The following DAPL1 variants were observed in gnomAD, a reference collection of about 807,000 sequenced individuals.
DAPL1 encodes death associated protein like 1, also known as death-associated protein-like 1.
A neutral mutation model predicts 12.9 loss-of-function variants in DAPL1; 17 were observed. The observed-to-expected ratio is 1.32, with a 90% CI of 0.90 to 1.98. DAPL1 has a LOEUF of 1.98. DAPL1 is among the 30% of genes most tolerant of loss of function. DAPL1 has a pLI of 0.00. For missense variants in DAPL1, 157 were observed against 125.7 expected, an observed-to-expected ratio of 1.25 and a Z score of -1.19; for synonymous variants, 51 against 42.0, an observed-to-expected ratio of 1.21 and a Z score of -0.82.
At chr2:158,812,479 T>C (rs2059235967) in intron 3 of DAPL1, among the ~76,000 whole-genome samples, 1 of 152,094 alleles carries the variant, frequency 6.6e-6, no homozygotes, top group Non-Finnish European at 1.5e-5. Flanking sequence ...ATACAGTGGT[T>C]CCTCAAAAAA....
intron 3 of DAPL1, among the ~76,000 whole-genome samples, chr2:158,810,647 T>TC (rs1444894687): frequency 3.9e-5 from 6 of 152,174 alleles, no homozygotes; most frequent in African/African-American, 1.4e-4. Context: ...CCACAGTATT[T>TC]CCCCACCTCT....
chr2:158,798,737 A>G (rs933671347), intron 1 of DAPL1, among the ~76,000 whole-genome samples: 1 of 152,034 alleles, frequency 6.6e-6, no homozygotes, highest in African/African-American at 2.4e-5. Context: ...CCTTCTCTTG[A>G]TGAGGGTTTT....
At chr2:158,796,289 G>T (rs1331544209) in intron 1 of DAPL1, among the ~76,000 whole-genome samples, 1 of 152,086 alleles carries the variant, frequency 6.6e-6, no homozygotes, top group African/African-American at 2.4e-5. Flanking sequence ...TAATTCTCTG[G>T]CACCTCTAGG....
At chr2:158,811,466 C>T (rs1042954766) in intron 3 of DAPL1, among the ~76,000 whole-genome samples, 2 of 152,170 alleles carry the variant, frequency 1.3e-5, no homozygotes, top group African/African-American at 2.4e-5. Flanking sequence ...TAAAACAAAA[C>T]CTGCAGCTGA....
chr2:158,801,388 C>T (rs940397983), intron 1 of DAPL1, among the ~76,000 whole-genome samples: 2 of 152,204 alleles, frequency 1.3e-5, no homozygotes, highest in Non-Finnish European at 2.9e-5. Context: ...AGCAACAGTG[C>T]TATGAGCAGT....
intron 1 of DAPL1, among the ~76,000 whole-genome samples, chr2:158,800,062 CA>C (rs1553492201): frequency 0.018 from 812 of 44,460 alleles, 5 homozygotes; most frequent in Middle Eastern, 0.083. Flanking sequence ...GACTCCATCT[CA>C]AAAAAAAAAA....
Position 158,795,395 on chromosome 2 carries a change from T to A in DAPL1, c.23T>A (p.Leu8Gln). The A allele has an allele frequency of 6.4e-7, 1 of 1,556,044 alleles. No individual in the cohort carries two copies. Among genetic ancestry groups the A allele is most frequent in the Non-Finnish European group, 8.7e-7 (1 of 1,149,486 alleles). The change falls in exon 1 of 4, where the codon CTG becomes CAG. Residue 8 changes from leucine to glutamine, a missense_variant. Leu to Gln is a moderately radical substitution (Grantham distance 113). Transcript: ENST00000309950. MANEVQD[L>Q]LSPRKGGHPP... Reference sequence around the variant, plus strand: ...GCTATGGCAAATGAAGTGCAAGACCTGCTCTCCCCTCGGAAAGGGGGACAT... The same window carrying A: ...GCTATGGCAAATGAAGTGCAAGACCAGCTCTCCCCTCGGAAAGGGGGACAT...
rs773583607 is a variant in DAPL1, at chr2:158,804,376, A to G, written c.146+7A>G. 67 of 1,596,060 alleles carry G rather than the reference A, an allele frequency of 4.2e-5. No individual in the cohort carries two copies. Among genetic ancestry groups the G allele is most frequent in the Middle Eastern group, 1.7e-4 (1 of 6,032 alleles). On this transcript the variant is annotated splice_region_variant and intron_variant, in intron 2 of 3. Coordinates refer to ENST00000309950, the MANE Select transcript of DAPL1 (RefSeq NM_001017920.3). Reference sequence around the variant, plus strand: ...CAGGATTCGAGAAAACAAGGTAGGGACTCTTAATTTTTCTCCATCACCTTG... The same window carrying G: ...CAGGATTCGAGAAAACAAGGTAGGGGCTCTTAATTTTTCTCCATCACCTTG...
intron 2 of DAPL1, among the ~76,000 whole-genome samples, chr2:158,805,691 T>TA (rs1451871296): frequency 6.7e-6 from 1 of 148,444 alleles, no homozygotes; most frequent in East Asian, 1.9e-4. Context: ...AAATGGGACT[T>TA]ACTATTAATT....
At chr2:158,815,300 G>A (rs866114920) in intron 3 of DAPL1, among the ~76,000 whole-genome samples, 1 of 152,158 alleles carries the variant, frequency 6.6e-6, no homozygotes, top group Non-Finnish European at 1.5e-5. Context: ...TCTTTCAGAG[G>A]TTCTTTCTTT....
chr2:158,814,578 A>G (rs2059250299), intron 3 of DAPL1, among the ~76,000 whole-genome samples: 1 of 152,274 alleles, frequency 6.6e-6, no homozygotes, highest in Admixed American at 6.5e-5. Context: ...CCAAGAAGAA[A>G]GGACTTTTTG....
intron 1 of DAPL1, among the ~76,000 whole-genome samples, chr2:158,798,095 T>C (rs922437298): frequency 2.6e-5 from 4 of 152,172 alleles, no homozygotes; most frequent in Non-Finnish European, 4.4e-5. Flanking sequence ...AAGCCAGATA[T>C]ATGATGAATA....
intron 1 of DAPL1, among the ~76,000 whole-genome samples, chr2:158,796,755 G>A (rs910793025): frequency 7.2e-5 from 11 of 152,036 alleles, no homozygotes; most frequent in East Asian, 1.9e-4. Context: ...ATGAAAGTTC[G>A]AATGAAACCA....
intron 1 of DAPL1, among the ~76,000 whole-genome samples, chr2:158,801,307 G>A (rs2059166200): frequency 6.6e-6 from 1 of 152,162 alleles, no homozygotes. Flanking sequence ...CTTGTCATAA[G>A]GAGAATGAAA....
intron 1 of DAPL1, among the ~76,000 whole-genome samples, chr2:158,801,975 A>C (rs1415232507): frequency 2.0e-5 from 3 of 152,236 alleles, no homozygotes; most frequent in Non-Finnish European, 4.4e-5. Flanking sequence ...AGAAAAGGAA[A>C]TGCAAATGGC....
At chr2:158,799,083 A>T (rs1195347497) in intron 1 of DAPL1, among the ~76,000 whole-genome samples, 1 of 152,232 alleles carries the variant, frequency 6.6e-6, no homozygotes, top group Non-Finnish European at 1.5e-5. Context: ...CTACAAAAGC[A>T]GTCACAAGAG....
At chr2:158,796,359 G>A (rs1030632240) in intron 1 of DAPL1, among the ~76,000 whole-genome samples, 1 of 152,164 alleles carries the variant, frequency 6.6e-6, no homozygotes, top group African/African-American at 2.4e-5. Flanking sequence ...TCTTCACAGA[G>A]AGTCAAAATG....
chr2:158,813,770 T>C (rs553279546), intron 3 of DAPL1, among the ~76,000 whole-genome samples: 1 of 152,162 alleles, frequency 6.6e-6, no homozygotes, highest in African/African-American at 2.4e-5. Context: ...TTAGCCAGGA[T>C]GGTCTCGATC....
At chr2:158,800,082 T>A (rs891369055) in intron 1 of DAPL1, among the ~76,000 whole-genome samples, 2 of 18,922 alleles carry the variant, frequency 1.1e-4, no homozygotes, top group South Asian at 6.3e-4. Flanking sequence ...AAAAAAAAAA[T>A]TTGGCATTTA....
Sources: allele counts gnomAD v4.1 joint callset (sites outside exome capture counted in the v4.1 genomes callset), GRCh38; gene constraint gnomAD v4.1.1; transcripts MANE v1.5; gene names NCBI Gene and HGNC (gene_info 2026-07-23, HGNC 2026-07-21).